Variants in C16orf87 observed in about 807,000 individuals in gnomAD.
C16orf87 encodes the protein UPF0547 protein C16orf87.
Under a neutral mutation model 21.0 loss-of-function variants are expected in C16orf87, and 13 were observed. The observed-to-expected ratio is 0.62, with a 90% CI of 0.40 to 0.98. C16orf87 has a LOEUF of 0.98. Among genes scored for constraint, C16orf87 ranks in the 50% least tolerant of loss-of-function variants. C16orf87 has a pLI of 0.00. For synonymous variants in C16orf87, 49 were observed against 60.2 expected (o/e 0.81, Z 0.86); for missense variants, 113 against 180.4 (o/e 0.63, Z 2.14).
At chr16:46,804,013 G>A (rs1389626707) in intron 3 of C16orf87, among the ~76,000 whole-genome samples, 4 of 152,102 alleles carry the variant, frequency 2.6e-5, no homozygotes, top group Non-Finnish European at 5.9e-5. Flanking sequence ...TCAGTTTTCA[G>A]TGATTACATT....
At position 46,800,084 on chromosome 16, in the gene C16orf87, TAAAG is replaced by T. The variant is rs1967727363; in HGVS notation, c.*2864_*2867del. On this transcript the variant is annotated 3_prime_UTR_variant, in exon 4 of 4. Coordinates refer to ENST00000285697, the MANE Select transcript of C16orf87 (RefSeq NM_001001436.4). ...GAGAATCAAGTGCAATTACTAGAGT[TAAAG>T]AAGTCAAATACTTTTCAATTTGAAA... The T allele has an allele frequency of 6.6e-6, 1 of 152,184 alleles. No homozygotes were observed. Among genetic ancestry groups the T allele is most frequent in the Non-Finnish European group, 1.5e-5 (1 of 68,038 alleles). 9.4% of individuals were successfully genotyped at this position (152,184 alleles called of 1,614,324 possible). A position where few individuals can be genotyped will look rare whatever the true frequency, so the allele number is the denominator to read the frequency against.
At chr16:46,818,118 C>T (rs1959266616) in intron 2 of C16orf87, among the ~76,000 whole-genome samples, 1 of 151,994 alleles carries the variant, frequency 6.6e-6, no homozygotes, top group African/African-American at 2.4e-5. Context: ...TCAAGTGATC[C>T]ATCTGCCTCA....
At chr16:46,830,071 T>C (rs1188678282) in intron 1 of C16orf87, among the ~76,000 whole-genome samples, 6 of 152,094 alleles carry the variant, frequency 3.9e-5, no homozygotes, top group Non-Finnish European at 7.4e-5. Context: ...TTAACTGAAG[T>C]AGTTTTAACT....
rs1967813072 is a variant in C16orf87 at position 46,802,749 on chromosome 16, C to A, written c.*203G>T. The A allele has an allele frequency of 4.8e-6, 2 of 415,494 alleles. No individual in the cohort carries two copies. Among genetic ancestry groups the A allele is most frequent in the Non-Finnish European group, 8.6e-6 (2 of 231,600 alleles). The allele number at this position is 415,494 out of a possible 1,614,324, so 25.7% of individuals were successfully genotyped here. A position where few individuals can be genotyped will look rare whatever the true frequency, so the allele number is the denominator to read the frequency against. On this transcript the variant is annotated 3_prime_UTR_variant, in exon 4 of 4. Transcript: ENST00000285697. The stretch of plus-strand genomic sequence containing the variant: ...CCAAACACAAAACACTGACAATACT[C>A]CTTGGTAAACAAGGAAATCCCAGAA...
intron 3 of C16orf87, among the ~76,000 whole-genome samples, chr16:46,806,419 G>C (rs1034632472): frequency 1.3e-5 from 2 of 151,896 alleles, no homozygotes; most frequent in African/African-American, 4.8e-5. Context: ...CACCACGCCC[G>C]GCTAATTTTT....
intron 1 of C16orf87, among the ~76,000 whole-genome samples, chr16:46,827,004 T>C (rs1467626666): frequency 1.3e-5 from 2 of 152,192 alleles, no homozygotes; most frequent in Admixed American, 1.3e-4. Context: ...TTAACAGTGT[T>C]GCAGTTAGAT....
intron 1 of C16orf87, among the ~76,000 whole-genome samples, chr16:46,827,345 CATTA>C (rs1400420565): frequency 1.3e-5 from 2 of 152,054 alleles, no homozygotes; most frequent in African/African-American, 4.8e-5. Flanking sequence ...AACCTCATTT[CATTA>C]ATTATAGTAT....
At chr16:46,825,119 T>C (rs1959565259) in intron 1 of C16orf87, among the ~76,000 whole-genome samples, 1 of 152,136 alleles carries the variant, frequency 6.6e-6, no homozygotes, top group Non-Finnish European at 1.5e-5. Context: ...GAAAAAAAGG[T>C]AGCATTTCCT....
At chr16:46,803,878 A>G (rs1411715245) in intron 3 of C16orf87, among the ~76,000 whole-genome samples, 3 of 152,172 alleles carry the variant, frequency 2.0e-5, no homozygotes, top group Non-Finnish European at 2.9e-5. Context: ...TCAGGGTTTT[A>G]GGCATTACTG....
chr16:46,815,148 G>A (rs1968202829), intron 2 of C16orf87, among the ~76,000 whole-genome samples: 1 of 152,088 alleles, frequency 6.6e-6, no homozygotes, highest in South Asian at 2.1e-4. Context: ...AGTTGTAACA[G>A]GAAAACTGGG....
chr16:46,803,501 G>A (rs1321633852), intron 3 of C16orf87, among the ~76,000 whole-genome samples: 1 of 151,020 alleles, frequency 6.6e-6, no homozygotes, highest in Non-Finnish European at 1.5e-5. Context: ...TTCCCCTCTC[G>A]ATTACAAATG....
chr16:46,810,814 GGT>G (rs999578133), intron 2 of C16orf87, among the ~76,000 whole-genome samples: 2 of 152,050 alleles, frequency 1.3e-5, no homozygotes, highest in Admixed American at 1.3e-4. Flanking sequence ...AGACAAGCAG[GGT>G]GTTGTTAAGA....
chr16:46,806,058 T>G (rs988545688), intron 3 of C16orf87, among the ~76,000 whole-genome samples: 1 of 152,122 alleles, frequency 6.6e-6, no homozygotes, highest in Non-Finnish European at 1.5e-5. Flanking sequence ...GGTGGGCTAC[T>G]CATAAAAAGA....
At chr16:46,814,474 A>G (rs1298336022) in intron 2 of C16orf87, among the ~76,000 whole-genome samples, 1 of 152,234 alleles carries the variant, frequency 6.6e-6, no homozygotes, top group African/African-American at 2.4e-5. Context: ...GAAATACTGT[A>G]AGAGATTTCA....
At chr16:46,816,955 G>A (rs1371904933) in intron 2 of C16orf87, among the ~76,000 whole-genome samples, 2 of 152,192 alleles carry the variant, frequency 1.3e-5, no homozygotes, top group Non-Finnish European at 1.5e-5. Flanking sequence ...GATAAGCCAC[G>A]TCTTCTTAAG....
At position 46,801,371 on chromosome 16, in the gene C16orf87, A is replaced by C. The variant is rs945354975; in HGVS notation, c.*1581T>G. 4.0e-5 allele frequency: 6 copies of C among 151,088 alleles called. No homozygotes were observed. Among genetic ancestry groups the C allele is most frequent in the African/African-American group, 1.5e-4 (6 of 41,170 alleles). 9.4% of individuals were successfully genotyped at this position (151,088 alleles called of 1,614,324 possible). ...TGTACTAAAAAATACAAAAAAAAAA[A>C]CAGCCAGGCGTGGTGGCGCACGCCT... On this transcript the variant is annotated 3_prime_UTR_variant, in exon 4 of 4. Coordinates refer to ENST00000285697, the MANE Select transcript of C16orf87 (RefSeq NM_001001436.4).
At chr16:46,815,789 T>C (rs1968222423) in intron 2 of C16orf87, among the ~76,000 whole-genome samples, 1 of 152,112 alleles carries the variant, frequency 6.6e-6, no homozygotes, top group African/African-American at 2.4e-5. Context: ...GAAGGAACAT[T>C]TGTACACTGC....
chr16:46,813,142 T>C (rs1483796612), intron 2 of C16orf87, among the ~76,000 whole-genome samples: 1 of 152,162 alleles, frequency 6.6e-6, no homozygotes, highest in Non-Finnish European at 1.5e-5. Context: ...AGTTTTCACC[T>C]TCTGCTCTGA....
intron 2 of C16orf87, among the ~76,000 whole-genome samples, 169 bp downstream of exon 2, chr16:46,824,217 T>A (rs1028483114): frequency 1.3e-5 from 2 of 152,222 alleles, no homozygotes. Flanking sequence ...TTAAATGGAA[T>A]GCACATGAAA....
Sources: gnomAD v4.1 joint callset for allele counts (sites outside exome capture counted in the v4.1 genomes callset) on GRCh38, gnomAD v4.1.1 for gene constraint, MANE v1.5 for transcripts, NCBI Gene and HGNC (gene_info 2026-07-23, HGNC 2026-07-21) for gene names.